The following FRMD4A variants were observed in gnomAD, a reference collection of about 807,000 sequenced individuals.
FRMD4A encodes FERM domain-containing protein 4A.
FRMD4A carries 29 observed loss-of-function variants against 129.1 expected under a neutral mutation model. That is an observed-to-expected ratio of 0.22 (90% CI 0.17 to 0.31). FRMD4A has a LOEUF of 0.31. FRMD4A is among the 10% of genes least tolerant of loss of function. The pLI is 1.00. For synonymous variants in FRMD4A, 634 were observed against 571.6 expected (o/e 1.11, Z -1.56); for missense variants, 1,272 against 1,375.8 (o/e 0.92, Z 1.19).
At chr10:14,198,198 G>A (rs1316231165) in intron 2 of FRMD4A, among the ~76,000 whole-genome samples, 1 of 152,204 alleles carries the variant, frequency 6.6e-6, no homozygotes, top group Non-Finnish European at 1.5e-5. Context: ...ATTTACTTGG[G>A]ATTGTCAGAT....
intron 2 of FRMD4A, among the ~76,000 whole-genome samples, chr10:14,117,623 C>T (rs1838265777): frequency 6.6e-6 from 1 of 152,136 alleles, no homozygotes; most frequent in East Asian, 1.9e-4. Flanking sequence ...GGCTGAAGGT[C>T]ACTAGAAGCA....
chr10:13,903,554 C>T (rs1365843469), intron 2 of FRMD4A, among the ~76,000 whole-genome samples: 6 of 152,002 alleles, frequency 3.9e-5, no homozygotes, highest in Non-Finnish European at 8.8e-5. Flanking sequence ...CATAGCAAGA[C>T]TCCAACTCTA....
At chr10:14,200,759 T>A (rs747492968) in intron 2 of FRMD4A, among the ~76,000 whole-genome samples, 9 of 152,234 alleles carry the variant, frequency 5.9e-5, no homozygotes, top group Non-Finnish European at 1.3e-4. Context: ...CCTTTTCAAA[T>A]CAGCCCTTCC....
At chr10:13,797,209 T>C (rs1317205168) in intron 4 of FRMD4A, among the ~76,000 whole-genome samples, 1 of 152,224 alleles carries the variant, frequency 6.6e-6, no homozygotes, top group East Asian at 1.9e-4. Context: ...CTTCTTGTCC[T>C]GAACCGCCTT....
At chr10:13,945,661 G>C (rs994660114) in intron 2 of FRMD4A, among the ~76,000 whole-genome samples, 2 of 152,184 alleles carry the variant, frequency 1.3e-5, no homozygotes, top group Admixed American at 1.3e-4. Flanking sequence ...CTCTCACAAA[G>C]TGTGTTATAT....
At chr10:13,707,346 T>A (rs764785608) in intron 12 of FRMD4A, 9 of 1,240,460 alleles carry the variant, frequency 7.3e-6, no homozygotes, top group Non-Finnish European at 9.1e-6. Flanking sequence ...GTTCCTTAAC[T>A]GGAACAAAAC....
At chr10:13,669,855 C>T (rs960151870) in intron 17 of FRMD4A, among the ~76,000 whole-genome samples, 2 of 152,180 alleles carry the variant, frequency 1.3e-5, no homozygotes, top group African/African-American at 2.4e-5. Context: ...AAAGGATGGA[C>T]GTAGCTTCTC....
intron 2 of FRMD4A, among the ~76,000 whole-genome samples, chr10:13,902,816 G>T (rs1363326130): frequency 6.9e-6 from 1 of 144,320 alleles, no homozygotes; most frequent in East Asian, 2.1e-4. Context: ...CTCCAGCCTG[G>T]ATGACAGAGT....
intron 6 of FRMD4A, among the ~76,000 whole-genome samples, chr10:13,771,849 G>C (rs916053548): frequency 6.6e-6 from 1 of 152,128 alleles, no homozygotes; most frequent in African/African-American, 2.4e-5. Flanking sequence ...GGAGGCCAAG[G>C]AAGGAGGATC....
At chr10:13,915,707 C>A (rs1322824450) in intron 2 of FRMD4A, among the ~76,000 whole-genome samples, 2 of 151,056 alleles carry the variant, frequency 1.3e-5, no homozygotes, top group Middle Eastern at 3.5e-3. Flanking sequence ...TTTGTGGTGA[C>A]TGCACAAAGG....
At chr10:13,740,167 T>C (rs767551211) in intron 11 of FRMD4A, 27 bp downstream of exon 11, 2 of 1,413,448 alleles carry the variant, frequency 1.4e-6, no homozygotes, top group South Asian at 1.2e-5. Flanking sequence ...GGAGGTTTGG[T>C]AACCTTCACC....
At chr10:14,089,872 A>G (rs376530019) in intron 2 of FRMD4A, among the ~76,000 whole-genome samples, 17 of 152,206 alleles carry the variant, frequency 1.1e-4, no homozygotes, top group African/African-American at 3.9e-4. Context: ...AAACCCACGG[A>G]TTGAACCTCA....
At chr10:13,660,196 C>A in intron 20 of FRMD4A, 120 bp downstream of exon 20, 1 of 684,306 alleles carries the variant, frequency 1.5e-6, no homozygotes, top group South Asian at 1.8e-5. Flanking sequence ...AGGCAAACCC[C>A]ACGGGGAGGA....
intron 6 of FRMD4A, among the ~76,000 whole-genome samples, chr10:13,778,526 G>A (rs1306715046): frequency 6.6e-6 from 1 of 151,994 alleles, no homozygotes; most frequent in Non-Finnish European, 1.5e-5. Context: ...TGTAATTGGT[G>A]GAACTATTCT....
chr10:14,140,236 AT>A (rs1839767127), intron 2 of FRMD4A, among the ~76,000 whole-genome samples: 1 of 151,800 alleles, frequency 6.6e-6, no homozygotes, highest in African/African-American at 2.4e-5. Flanking sequence ...TAATCTTCGT[AT>A]TTTTTAGCAG....
intron 3 of FRMD4A, among the ~76,000 whole-genome samples, chr10:13,841,746 T>C (rs1588983163): frequency 6.6e-6 from 1 of 152,288 alleles, no homozygotes; most frequent in Middle Eastern, 3.4e-3. Context: ...CTATATAATA[T>C]AACCTTCATC....
At chr10:14,277,780 G>C (rs776522110) in intron 2 of FRMD4A, among the ~76,000 whole-genome samples, 3 of 152,166 alleles carry the variant, frequency 2.0e-5, no homozygotes, top group Non-Finnish European at 4.4e-5. Flanking sequence ...TGATTCTTAA[G>C]TTCTTTGCCT....
At chr10:13,735,402 G>C (rs1425919209) in intron 12 of FRMD4A, among the ~76,000 whole-genome samples, 1 of 152,124 alleles carries the variant, frequency 6.6e-6, no homozygotes, top group Admixed American at 6.5e-5. Context: ...ATTCATTATT[G>C]TAAATTCTCT....
At chr10:14,307,593 G>A (rs1190853908) in intron 2 of FRMD4A, among the ~76,000 whole-genome samples, 1 of 152,130 alleles carries the variant, frequency 6.6e-6, no homozygotes, top group Non-Finnish European at 1.5e-5. Flanking sequence ...AGCTAACTAC[G>A]GAAGGAAACC....
Sources: gnomAD v4.1 joint callset for allele counts (sites outside exome capture counted in the v4.1 genomes callset) on GRCh38, gnomAD v4.1.1 for gene constraint, MANE v1.5 for transcripts, NCBI Gene and HGNC (gene_info 2026-07-23, HGNC 2026-07-21) for gene names.